The following IER3IP1 variants were observed in gnomAD, a reference collection of about 807,000 sequenced individuals.
IER3IP1 encodes the protein immediate early response 3-interacting protein 1.
IER3IP1 carries 16 observed loss-of-function variants against 12.2 expected under a neutral mutation model. The observed-to-expected ratio is 1.31, with a 90% CI of 0.89 to 1.99. The LOEUF (loss-of-function observed/expected upper bound fraction) is 1.99, where lower values mean the gene tolerates loss of function less well. Ranked by LOEUF, IER3IP1 falls within the 30% of genes most tolerant of loss-of-function variation. The pLI is 0.00. For missense variants in IER3IP1, 95 were observed against 95.8 expected (o/e 0.99, Z 0.03); for synonymous variants, 42 against 40.0 (o/e 1.05, Z -0.19).
chr18:47,153,775 A>C lies in IER3IP1; in HGVS notation c.*2402T>G, dbSNP rs569954638. ...GATTTTTATAAGATACTTTTTAGCT[A>C]TATTTTTGAAAATTTAGGGTTTTAT... On this transcript the variant is annotated 3_prime_UTR_variant, in exon 3 of 3. Transcript: ENST00000256433. 6.6e-6 allele frequency: 1 copy of C among 152,284 alleles called. No individual in the cohort carries two copies. The highest frequency in any genetic ancestry group is 6.5e-5 in the Admixed American group (1 of 15,296). 9.4% of individuals were successfully genotyped at this position (152,284 alleles called of 1,614,324 possible). A position where few individuals can be genotyped will look rare whatever the true frequency, so the allele number is the denominator to read the frequency against.
At chr18:47,169,109 A>G (rs1247267408) in intron 1 of IER3IP1, among the ~76,000 whole-genome samples, 1 of 152,192 alleles carries the variant, frequency 6.6e-6, no homozygotes, top group Non-Finnish European at 1.5e-5. Context: ...AGCAACCACT[A>G]ATCTACTTTC....
intron 1 of IER3IP1, among the ~76,000 whole-genome samples, chr18:47,165,910 T>C (rs1158403519): frequency 6.6e-6 from 1 of 152,244 alleles, no homozygotes; most frequent in African/African-American, 2.4e-5. Context: ...ACCCAGTCTA[T>C]AGTATTTTGT....
intron 1 of IER3IP1, among the ~76,000 whole-genome samples, chr18:47,165,335 T>C (rs2063992821): frequency 6.6e-6 from 1 of 152,148 alleles, no homozygotes; most frequent in Non-Finnish European, 1.5e-5. Context: ...GGCAGATCAC[T>C]TGAGGCCAGA....
intron 1 of IER3IP1, among the ~76,000 whole-genome samples, chr18:47,159,330 A>T (rs1290292053): frequency 6.6e-6 from 1 of 152,216 alleles, no homozygotes. Flanking sequence ...AGATAACAAG[A>T]AATTTTATTT....
chr18:47,157,350 G>A (rs2063964485), intron 2 of IER3IP1, 86 bp downstream of exon 2: 1 of 1,081,008 alleles, frequency 9.3e-7, no homozygotes. Flanking sequence ...ACTACAAATG[G>A]CATATATGGT....
rs572996117 is a variant in IER3IP1 at position 47,158,666 on chromosome 18, T to C, written c.92-1129A>G. Among the ~76,000 whole-genome samples, 152 of 151,830 alleles carry C rather than the reference T, an allele frequency of 1.0e-3. 1 individual carries two copies. Among genetic ancestry groups the C allele is most frequent in the Non-Finnish European group, 1.6e-3 (106 of 67,920 alleles). On this transcript the variant is annotated intron_variant, in intron 1 of 2. Transcript: ENST00000256433. The stretch of plus-strand genomic sequence containing the variant: ...CGTTTTTAAAAGGGGAGTTATCTTT[T>C]AAAGAATTTGGGGGCTGGGCATGGT...
intron 1 of IER3IP1, among the ~76,000 whole-genome samples, chr18:47,161,099 T>G (rs951571338): frequency 6.6e-6 from 1 of 152,230 alleles, no homozygotes; most frequent in Non-Finnish European, 1.5e-5. Flanking sequence ...AATTAATTCC[T>G]GACACGCTAA....
At chr18:47,169,020 T>C (rs2064006398) in intron 1 of IER3IP1, among the ~76,000 whole-genome samples, 1 of 152,228 alleles carries the variant, frequency 6.6e-6, no homozygotes, top group Non-Finnish European at 1.5e-5. Flanking sequence ...CATTCAATTT[T>C]AGAGTATTTT....
At position 47,167,008 on chromosome 18, in the gene IER3IP1, C is replaced by T. The variant is rs191201711; in HGVS notation, c.91+9179G>A. Among the ~76,000 whole-genome samples the T allele has an allele frequency of 5.3e-3, 798 of 151,500 alleles. 13 individuals carry two copies. The highest frequency in any genetic ancestry group is 4.2e-3 in the Non-Finnish European group (287 of 67,926). Reference sequence around the variant, plus strand: ...AAAATGTGGAAGACAAAGTTCCAGACGGCAAAGTATTAATATTTCTGGGCC... The same window carrying T: ...AAAATGTGGAAGACAAAGTTCCAGATGGCAAAGTATTAATATTTCTGGGCC... On this transcript the variant is annotated intron_variant, in intron 1 of 2. Transcript: ENST00000256433.
chr18:47,166,522 C>T (rs1049896885), intron 1 of IER3IP1, among the ~76,000 whole-genome samples: 7 of 152,022 alleles, frequency 4.6e-5, no homozygotes, highest in Admixed American at 4.6e-4. Flanking sequence ...AGGACAAATA[C>T]TGGGGAAGGA....
Position 47,159,492 on chromosome 18 carries a change from A to G in IER3IP1, c.92-1955T>C, listed in dbSNP as rs546315362. 7.9e-5 allele frequency among the ~76,000 whole-genome samples: 12 copies of G among 152,386 alleles called. 1 individual carries two copies. The South Asian group carries it at 2.5e-3, about 32-fold the overall frequency. On this transcript the variant is annotated intron_variant, in intron 1 of 2. Transcript: ENST00000256433. ...TTGCAAAGAATGCATAAAACAAATT[A>G]GAACTCTCAAAAGTCTCTACACAGT...
At position 47,155,496 on chromosome 18, in the gene IER3IP1, G is replaced by C. The variant is rs1388097720; in HGVS notation, c.*681C>G. The C allele has an allele frequency of 6.6e-6, 1 of 152,128 alleles. No homozygotes were observed. The highest frequency in any genetic ancestry group is 1.5e-5 in the Non-Finnish European group (1 of 68,022). The allele number at this position is 152,128 out of a possible 1,614,324, so 9.4% of individuals were successfully genotyped here. On this transcript the variant is annotated 3_prime_UTR_variant, in exon 3 of 3. Coordinates refer to ENST00000256433, the MANE Select transcript of IER3IP1 (RefSeq NM_016097.5). ...TAGATTTTTCTGACAATGAAAATCTGTAGACACTGGTCTGGTCTCATCATT... is the reference window on the plus strand; with the variant it reads ...TAGATTTTTCTGACAATGAAAATCTCTAGACACTGGTCTGGTCTCATCATT...
intron 1 of IER3IP1, among the ~76,000 whole-genome samples, chr18:47,164,402 C>A (rs1043699586): frequency 1.3e-5 from 2 of 151,578 alleles, no homozygotes; most frequent in African/African-American, 4.8e-5. Flanking sequence ...TTTACTAAAA[C>A]AAATAGTTTA....
At chr18:47,163,354 C>T (rs1157103002) in intron 1 of IER3IP1, among the ~76,000 whole-genome samples, 3 of 152,146 alleles carry the variant, frequency 2.0e-5, no homozygotes, top group Admixed American at 6.5e-5. Flanking sequence ...ATACATAGCA[C>T]GGAGATGCTG....
chr18:47,162,893 A>AT (rs554792245), intron 1 of IER3IP1, among the ~76,000 whole-genome samples: 32 of 151,216 alleles, frequency 2.1e-4, no homozygotes, highest in African/African-American at 3.9e-4. Context: ...AATAAAAGTC[A>AT]TTTTTTTTTA....
rs1298914537 is a variant in IER3IP1, at chr18:47,156,150, C to T, written c.*27G>A. On this transcript the variant is annotated 3_prime_UTR_variant, in exon 3 of 3. Coordinates refer to ENST00000256433, the MANE Select transcript of IER3IP1 (RefSeq NM_016097.5). ...ATAACTTCTACTGGCATGTCCTCTTCTGAGTCTCCATTTTCTCCACTGATA... is the reference window on the plus strand; with the variant it reads ...ATAACTTCTACTGGCATGTCCTCTTTTGAGTCTCCATTTTCTCCACTGATA... 7.2e-7 allele frequency: 1 copy of T among 1,387,370 alleles called. No homozygotes were observed. The highest frequency in any genetic ancestry group is 1.0e-6 in the Non-Finnish European group (1 of 973,920). 85.9% of individuals were successfully genotyped at this position (1,387,370 alleles called of 1,614,324 possible).
chr18:47,156,429 T>A (rs938962360), intron 2 of IER3IP1, among the ~76,000 whole-genome samples, 197 bp from the exon 3 acceptor site: 1 of 151,950 alleles, frequency 6.6e-6, no homozygotes, highest in Admixed American at 6.6e-5. Context: ...AGAGAACTTG[T>A]ATAACTGGGA....
chr18:47,159,679 T>G (rs2063973359), intron 1 of IER3IP1, among the ~76,000 whole-genome samples: 1 of 152,156 alleles, frequency 6.6e-6, no homozygotes, highest in Non-Finnish European at 1.5e-5. Flanking sequence ...AGGGAGAGAT[T>G]ATGGGCAATT....
rs114116418 is a variant in IER3IP1 at position 47,171,832 on chromosome 18, G to A, written c.91+4355C>T. ...TTTTGAGACAGGGTCTCACTGTGTC[G>A]CCCAGGCTGTAGGGTGGTGGTGGGA... On this transcript the variant is annotated intron_variant, in intron 1 of 2. Transcript: ENST00000256433. 7.6e-3 allele frequency among the ~76,000 whole-genome samples: 1,151 copies of A among 151,816 alleles called. 9 individuals are homozygous for A. Among genetic ancestry groups the A allele is most frequent in the African/African-American group, 0.025 (1,046 of 41,380 alleles).
Sources: allele counts gnomAD v4.1 joint callset (sites outside exome capture counted in the v4.1 genomes callset), GRCh38; gene constraint gnomAD v4.1.1; transcripts MANE v1.5; gene names NCBI Gene and HGNC (gene_info 2026-07-23, HGNC 2026-07-21).